Variants in PCDHGB5 observed in about 807,000 individuals in gnomAD.
PCDHGB5 encodes the protein protocadherin gamma subfamily B, 5.
A neutral mutation model predicts 62.9 loss-of-function variants in PCDHGB5; 48 were observed. The observed-to-expected ratio is 0.76, with a 90% CI of 0.61 to 0.97. The LOEUF is 0.97. Ranked by LOEUF, PCDHGB5 falls within the 50% of genes least tolerant of loss-of-function variation. PCDHGB5 has a pLI of 0.00. For missense variants in PCDHGB5, 1,118 were observed against 1,198.6 expected (o/e 0.93, Z 0.99); for synonymous variants, 474 against 511.2 (o/e 0.93, Z 0.98).
chr5:141,423,970 A>C, intron 1 of PCDHGB5: 1 of 1,143,228 alleles, frequency 8.7e-7, no homozygotes, highest in Non-Finnish European at 1.1e-6. Flanking sequence ...TTCTATTATC[A>C]GTGTATGAGG....
chr5:141,423,746 T>G, intron 1 of PCDHGB5: 2 of 384,794 alleles, frequency 5.2e-6, no homozygotes, highest in Non-Finnish European at 6.6e-6. Flanking sequence ...TTATGAAAAC[T>G]GTTTGGGGGG....
At chr5:141,404,205 A>G in intron 1 of PCDHGB5, 3 of 1,613,770 alleles carry the variant, frequency 1.9e-6, no homozygotes, top group Non-Finnish European at 1.7e-6. Context: ...GCCTCAGAAT[A>G]TAATATCACG....
intron 1 of PCDHGB5, chr5:141,426,336 C>T (rs779025306): frequency 1.7e-4 from 31 of 187,682 alleles, no homozygotes; most frequent in Non-Finnish European, 2.8e-4. Context: ...GGCAAGCACT[C>T]TTCCCTTTCC....
rs149649459 is a variant in PCDHGB5, at chr5:141,505,183, G to A, written c.2457-210G>A. ...TCTAAAACAAAAAGAAAAAAGCATC[G>A]GAGGCAGCAAAGAGCTGGTTTGAGG... On this transcript the variant is annotated intron_variant, in intron 2 of 3. Transcript: ENST00000617380. Among the ~76,000 whole-genome samples, 214 of 152,244 alleles carry A rather than the reference G, an allele frequency of 1.4e-3. 1 individual carries two copies. Among genetic ancestry groups the A allele is most frequent in the African/African-American group, 4.8e-3 (200 of 41,530 alleles).
intron 1 of PCDHGB5, chr5:141,423,124 C>T (rs748586131): frequency 1.9e-6 from 3 of 1,613,778 alleles, no homozygotes; most frequent in Non-Finnish European, 1.7e-6. Context: ...AGCGCGGGCA[C>T]TGCTGGACAG....
Position 141,431,432 on chromosome 5 carries a change from AC to A in PCDHGB5, c.2397+30910del. 2 of 1,613,692 alleles carry A rather than the reference AC, an allele frequency of 1.2e-6. No individual in the cohort carries two copies. Among genetic ancestry groups the A allele is most frequent in the Non-Finnish European group, 1.7e-6 (2 of 1,180,026 alleles). On this transcript the variant is annotated intron_variant, in intron 1 of 3. Transcript: ENST00000617380. The surrounding 1 kb of genome is among the most constrained non-coding windows in gnomAD (Gnocchi z 4.8). ...CGGGGGCGACCCGGTGCGCACAGGC[AC>A]CGCGCGCATCCGCGTGATGGTTCTG... is the stretch of plus-strand genomic sequence containing the variant.
At chr5:141,415,737 A>G in intron 1 of PCDHGB5, 1 of 574,948 alleles carries the variant, frequency 1.7e-6, no homozygotes, top group Non-Finnish European at 2.5e-6. Flanking sequence ...GATGTTTATT[A>G]AGGTTTTTTT....
chr5:141,464,707 A>G (rs1052234067), intron 1 of PCDHGB5, among the ~76,000 whole-genome samples: 13 of 152,112 alleles, frequency 8.5e-5, no homozygotes, highest in African/African-American at 3.1e-4. Flanking sequence ...ATGAGGTTAA[A>G]TAGTTTTTCA....
At chr5:141,456,175 A>G (rs2154565434) in intron 1 of PCDHGB5, among the ~76,000 whole-genome samples, 1 of 151,840 alleles carries the variant, frequency 6.6e-6, no homozygotes, top group East Asian at 1.9e-4. Context: ...GGGATTACAG[A>G]ATAATTTCTT....
intron 1 of PCDHGB5, chr5:141,427,807 A>C (rs1443881781): frequency 6.6e-7 from 1 of 1,522,050 alleles, no homozygotes; most frequent in South Asian, 1.1e-5. Flanking sequence ...GTGAGCGCAC[A>C]GAGCGGGGTG....
intron 1 of PCDHGB5, among the ~76,000 whole-genome samples, chr5:141,456,702 C>A (rs1185842343): frequency 6.6e-6 from 1 of 152,062 alleles, no homozygotes; most frequent in African/African-American, 2.4e-5. Flanking sequence ...TGGTGGCTCG[C>A]GCCTGTAATC....
At chr5:141,459,606 T>G (rs1430790771) in intron 1 of PCDHGB5, among the ~76,000 whole-genome samples, 1 of 152,250 alleles carries the variant, frequency 6.6e-6, no homozygotes, top group Non-Finnish European at 1.5e-5. Context: ...GGGAAGTATA[T>G]GCTTAACTTT....
chr5:141,408,561 T>C lies in PCDHGB5; in HGVS notation c.2397+8037T>C. On this transcript the variant is annotated intron_variant, in intron 1 of 3. Coordinates refer to ENST00000617380, the MANE Select transcript of PCDHGB5 (RefSeq NM_018925.3). ...AATCCTTTAAATATTTTTCATGTCA[T>C]TGTGGTGATTGAGGATGTTAATGAC... 6.2e-7 allele frequency: 1 copy of C among 1,613,994 alleles called. No homozygotes were observed.
chr5:141,398,860 G>C lies in PCDHGB5; in HGVS notation c.733G>C (p.Asp245His). 6.2e-7 allele frequency: 1 copy of C among 1,614,010 alleles called. No homozygotes were observed. The highest frequency in any genetic ancestry group is 1.1e-5 in the South Asian group (1 of 91,074). The change falls in exon 1 of 4, where the codon GAC becomes CAC. Residue 245 changes from aspartate (D) to histidine (H), a missense_variant. Physicochemically the swap from Asp to His is moderately conservative, Grantham distance 81. Coordinates refer to ENST00000617380, the MANE Select transcript of PCDHGB5 (RefSeq NM_018925.3). ...ANDNPPVFNR[D>H]VYRVSLRENV... ...TGATAATCCCCCGGTATTCAACCGA[G>C]ACGTGTACAGAGTCAGCCTTCGGGA... is the stretch of plus-strand genomic sequence containing the variant.
intron 1 of PCDHGB5, among the ~76,000 whole-genome samples, chr5:141,469,004 C>T (rs570896326): frequency 3.3e-5 from 5 of 151,802 alleles, no homozygotes; most frequent in Admixed American, 2.0e-4. Flanking sequence ...TTGCTGGGTG[C>T]GGTGGGTCAC....
In PCDHGB5 at chr5:141,482,843, G is replaced by T. The variant is rs1005014887; in HGVS notation, c.2398-11964G>T. On this transcript the variant is annotated intron_variant, in intron 1 of 3. Transcript: ENST00000617380. ...TCCTAGCACTTTGGGAGGCCAAGGT[G>T]GGCAGATCACTTGAGGTCAGGAGTT... Among the ~76,000 whole-genome samples the T allele has an allele frequency of 4.3e-5, 6 of 140,152 alleles. No homozygotes were observed. The South Asian group carries it at 8.6e-4, about 20-fold the overall frequency. 91.9% of individuals were successfully genotyped at this position (140,152 alleles called of 152,430 possible).
chr5:141,496,478 G>A lies in PCDHGB5; in HGVS notation c.2456+1613G>A, dbSNP rs150992994. 7.2e-3 allele frequency among the ~76,000 whole-genome samples: 1,093 copies of A among 152,228 alleles called. 19 individuals are homozygous for A. The highest frequency in any genetic ancestry group is 0.025 in the African/African-American group (1,039 of 41,518). ...CCAAGAGTTATCTTTCCCCCATCCT[G>A]CAACCAACCAAACCCTTGTTGCCAC... is the stretch of plus-strand genomic sequence containing the variant. On this transcript the variant is annotated intron_variant, in intron 2 of 3. Transcript: ENST00000617380.
At chr5:141,436,256 C>T (rs953463822) in intron 1 of PCDHGB5, among the ~76,000 whole-genome samples, 1 of 152,100 alleles carries the variant, frequency 6.6e-6, no homozygotes, top group South Asian at 2.1e-4. Context: ...TTATTCTGAC[C>T]TCTGCTCACC....
chr5:141,408,203 A>G (rs1299661641), intron 1 of PCDHGB5: 2 of 1,550,806 alleles, frequency 1.3e-6, no homozygotes, highest in African/African-American at 1.4e-5. Flanking sequence ...CGAGCGAACG[A>G]TGGGAGGGAG....
Sources: gnomAD v4.1 joint callset for allele counts (sites outside exome capture counted in the v4.1 genomes callset) on GRCh38, gnomAD v4.1.1 for gene constraint, Gnocchi (gnomAD v3.1) non-coding constraint, MANE v1.5 for transcripts, NCBI Gene and HGNC (gene_info 2026-07-23, HGNC 2026-07-21) for gene names.